The following PRR16 variants were observed in gnomAD, a reference collection of about 807,000 sequenced individuals.
PRR16 encodes the protein proline rich 16, also known as protein Largen.
In PRR16, 6 loss-of-function variants were observed where a neutral mutation model predicts 18.2. That is an observed-to-expected ratio of 0.33 (90% confidence interval 0.18 to 0.65). PRR16 has a LOEUF of 0.65. PRR16 is among the 30% of genes least tolerant of loss of function. PRR16 has a pLI of 0.74. For synonymous variants in PRR16, 151 were observed against 147.8 expected (o/e 1.02, Z -0.16); for missense variants, 412 against 376.6 (o/e 1.09, Z -0.78).
intron 1 of PRR16, among the ~76,000 whole-genome samples, chr5:120,494,209 CT>C (rs1323217036): frequency 6.6e-6 from 1 of 152,130 alleles, no homozygotes; most frequent in Non-Finnish European, 1.5e-5. Context: ...ATCGTCACTA[CT>C]TTTTTCTAGT....
the PRR16 span, among the ~76,000 whole-genome samples, chr5:120,791,584 CATCT>C: frequency 0.033 from 4,256 of 127,432 alleles, 71 homozygotes; most frequent in African/African-American, 0.054. Flanking sequence ...GAACTTCTAT[CATCT>C]ATCTATCTAT....
At chr5:120,764,634 C>T in the PRR16 span, among the ~76,000 whole-genome samples, 4 of 151,692 alleles carry the variant, frequency 2.6e-5, no homozygotes, top group African/African-American at 7.3e-5. Context: ...CTTGATTAAT[C>T]AAGGAAAAGA....
At chr5:120,689,759 GTT>G (rs201079686), downstream of PRR16, among the ~76,000 whole-genome samples, 11 of 144,424 alleles carry the variant, frequency 7.6e-5, no homozygotes, top group South Asian at 2.2e-4. Context: ...GGGTGTTTTG[GTT>G]TTTTTTTTTT....
At chr5:120,483,860 T>A (rs1214129285) in intron 1 of PRR16, among the ~76,000 whole-genome samples, 1 of 152,084 alleles carries the variant, frequency 6.6e-6, no homozygotes, top group Non-Finnish European at 1.5e-5. Context: ...TGTAAGTGAT[T>A]CTTAACAAAT....
chr5:120,717,133 TAAA>T, the PRR16 span, among the ~76,000 whole-genome samples: 1 of 152,146 alleles, frequency 6.6e-6, no homozygotes. Context: ...AACATATTAC[TAAA>T]AAATGTTTTT....
the PRR16 span, among the ~76,000 whole-genome samples, chr5:120,703,644 G>A: frequency 3.9e-5 from 6 of 152,256 alleles, no homozygotes; most frequent in African/African-American, 4.8e-5. Context: ...TCATGGCTTT[G>A]TCTATTGCTT....
intron 1 of PRR16, among the ~76,000 whole-genome samples, chr5:120,682,731 C>T (rs1260768977): frequency 6.6e-6 from 1 of 152,180 alleles, no homozygotes; most frequent in Non-Finnish European, 1.5e-5. Context: ...TGAGAATATG[C>T]AACCAACTCA....
chr5:120,634,142 A>C (rs1481894750), intron 1 of PRR16, among the ~76,000 whole-genome samples: 2 of 152,196 alleles, frequency 1.3e-5, no homozygotes, highest in African/African-American at 2.4e-5. Context: ...AAACCATGCT[A>C]ACACATGGAA....
At chr5:120,488,036 T>C (rs1306590745) in intron 1 of PRR16, among the ~76,000 whole-genome samples, 1 of 152,242 alleles carries the variant, frequency 6.6e-6, no homozygotes, top group Non-Finnish European at 1.5e-5. Flanking sequence ...CATGTGCTAC[T>C]GTATTTGGTT....
chr5:120,788,850 T>G, the PRR16 span, among the ~76,000 whole-genome samples: 15 of 152,242 alleles, frequency 9.9e-5, no homozygotes, highest in East Asian at 2.7e-3. Flanking sequence ...CTGATTTTTT[T>G]TCCTTTTTGA....
the PRR16 span, among the ~76,000 whole-genome samples, chr5:120,755,427 C>T: frequency 6.6e-6 from 1 of 152,096 alleles, no homozygotes; most frequent in Non-Finnish European, 1.5e-5. Flanking sequence ...TTGTTGCTAT[C>T]TTTATGTCCA....
At chr5:120,771,369 A>G in the PRR16 span, among the ~76,000 whole-genome samples, 1 of 152,086 alleles carries the variant, frequency 6.6e-6, no homozygotes, top group Non-Finnish European at 1.5e-5. Context: ...TCTGACCATG[A>G]CCAGGTATGA....
chr5:120,779,548 C>T, the PRR16 span, among the ~76,000 whole-genome samples: 1 of 152,110 alleles, frequency 6.6e-6, no homozygotes, highest in Non-Finnish European at 1.5e-5. Flanking sequence ...AGTAAATGTT[C>T]GCATTTCGTG....
chr5:120,792,009 A>G, the PRR16 span, among the ~76,000 whole-genome samples: 1 of 152,144 alleles, frequency 6.6e-6, no homozygotes, highest in Admixed American at 6.6e-5. Flanking sequence ...GATGATAGGC[A>G]TTGAAGTATA....
intron 1 of PRR16, among the ~76,000 whole-genome samples, chr5:120,604,610 G>A (rs761475023): frequency 6.6e-6 from 1 of 152,120 alleles, no homozygotes; most frequent in Non-Finnish European, 1.5e-5. Context: ...TGGTTATTAT[G>A]TAGCCTTGAT....
At chr5:120,624,751 T>C (rs547746795) in intron 1 of PRR16, among the ~76,000 whole-genome samples, 2 of 152,308 alleles carry the variant, frequency 1.3e-5, no homozygotes, top group African/African-American at 2.4e-5. Context: ...GCTACTGATA[T>C]GGTATGGCTC....
At chr5:120,792,243 G>T in the PRR16 span, among the ~76,000 whole-genome samples, 1 of 152,182 alleles carries the variant, frequency 6.6e-6, no homozygotes, top group Admixed American at 6.5e-5. Flanking sequence ...CTGCAAATAT[G>T]TGAAATGATC....
chr5:120,532,834 G>A (rs1000349473), intron 1 of PRR16, among the ~76,000 whole-genome samples: 9 of 151,848 alleles, frequency 5.9e-5, no homozygotes, highest in Non-Finnish European at 1.3e-4. Flanking sequence ...TATCCCAAAA[G>A]CCATTTACCC....
At chr5:120,677,572 A>C (rs977944540) in intron 1 of PRR16, among the ~76,000 whole-genome samples, 2 of 152,166 alleles carry the variant, frequency 1.3e-5, no homozygotes, top group African/African-American at 4.8e-5. Flanking sequence ...TGTTTTTCTA[A>C]GTCAATCTTA....
Sources: gnomAD v4.1 joint callset for allele counts (sites outside exome capture counted in the v4.1 genomes callset) on GRCh38, gnomAD v4.1.1 for gene constraint, MANE v1.5 for transcripts, NCBI Gene and HGNC (gene_info 2026-07-23, HGNC 2026-07-21) for gene names.